Variants in SLC2A9 observed in about 807,000 individuals in gnomAD.
SLC2A9 encodes solute carrier family 2, facilitated glucose transporter member 9.
Under a neutral mutation model 50.6 loss-of-function variants are expected in SLC2A9, and 39 were observed. That is an observed-to-expected ratio of 0.77 (90% CI 0.60 to 1.01). The LOEUF (loss-of-function observed/expected upper bound fraction) is 1.01. SLC2A9 is among the 50% of genes least tolerant of loss of function. The pLI, the probability that SLC2A9 is intolerant of heterozygous loss-of-function variation, is 0.00. For synonymous variants in SLC2A9, 324 were observed against 276.9 expected (o/e 1.17, Z -1.69); for missense variants, 686 against 677.6 (o/e 1.01, Z -0.14).
intron 10 of SLC2A9, among the ~76,000 whole-genome samples, chr4:9,883,350 T>C (rs1450110461): frequency 6.6e-6 from 1 of 152,192 alleles, no homozygotes; most frequent in Non-Finnish European, 1.5e-5. Flanking sequence ...TTTCTTATGT[T>C]TGTCGTGGAA....
At chr4:9,977,679 G>A (rs189331504) in intron 5 of SLC2A9, among the ~76,000 whole-genome samples, 2 of 151,364 alleles carry the variant, frequency 1.3e-5, no homozygotes, top group Admixed American at 6.6e-5. Flanking sequence ...CTACAGACCC[G>A]CCCAGATAAA....
chr4:9,959,780 G>A (rs140186219), intron 5 of SLC2A9, among the ~76,000 whole-genome samples: 1,912 of 152,202 alleles, frequency 0.013, 15 homozygotes, highest in Middle Eastern at 0.02. Flanking sequence ...TTTGTTTTTG[G>A]TAGTGAATCC....
chr4:9,776,675 A>C (rs1717610001), downstream of SLC2A9, among the ~76,000 whole-genome samples: 2 of 152,252 alleles, frequency 1.3e-5, no homozygotes, highest in Middle Eastern at 3.4e-3. Context: ...AGTTGGGAGA[A>C]GGCACCTAGA....
At chr4:9,857,969 A>G (rs1053691942) in intron 10 of SLC2A9, among the ~76,000 whole-genome samples, 1 of 152,182 alleles carries the variant, frequency 6.6e-6, no homozygotes, top group African/African-American at 2.4e-5. Context: ...GAACAAACTT[A>G]TTGTCCCAGC....
intron 10 of SLC2A9, chr4:9,879,566 C>T (rs1734865547): frequency 2.0e-6 from 2 of 985,220 alleles, no homozygotes; most frequent in African/African-American, 3.5e-5. Context: ...GTCCTTTTTC[C>T]AAGCAAGGTA....
At chr4:9,848,066 G>C (rs879377733) in intron 10 of SLC2A9, among the ~76,000 whole-genome samples, 1 of 152,166 alleles carries the variant, frequency 6.6e-6, no homozygotes, top group Admixed American at 6.5e-5. Context: ...TTTCAGAGGA[G>C]TAGGATCCAG....
intron 3 of SLC2A9, among the ~76,000 whole-genome samples, chr4:9,791,605 A>T (rs1302053636): frequency 6.6e-6 from 1 of 152,190 alleles, no homozygotes; most frequent in African/African-American, 2.4e-5. Flanking sequence ...TTCTGATAGA[A>T]GCCAGCAGTC....
At chr4:10,003,471 A>T (rs1760210793) in intron 2 of SLC2A9, among the ~76,000 whole-genome samples, 1 of 152,228 alleles carries the variant, frequency 6.6e-6, no homozygotes, top group Non-Finnish European at 1.5e-5. Flanking sequence ...AATGGCTGAC[A>T]GAAGCCTCTA....
chr4:9,854,322 T>C (rs948236374), intron 10 of SLC2A9, among the ~76,000 whole-genome samples: 1 of 151,726 alleles, frequency 6.6e-6, no homozygotes, highest in Non-Finnish European at 1.5e-5. Flanking sequence ...CCCACAGAAA[T>C]ACAAAAAGCC....
At chr4:9,913,757 C>T (rs1210965931) in intron 7 of SLC2A9, among the ~76,000 whole-genome samples, 1 of 152,224 alleles carries the variant, frequency 6.6e-6, no homozygotes, top group Non-Finnish European at 1.5e-5. Context: ...TCTGGGGTTG[C>T]TCCTTCTGCC....
chr4:9,862,447 T>C (rs571934281), intron 10 of SLC2A9, among the ~76,000 whole-genome samples: 3 of 152,218 alleles, frequency 2.0e-5, no homozygotes, highest in Admixed American at 2.0e-4. Flanking sequence ...CCCATGTATG[T>C]GTGAAATATA....
intron 7 of SLC2A9, 65 bp from the exon 8 acceptor site, chr4:9,908,410 T>A (rs573658321): frequency 5.1e-5 from 62 of 1,221,044 alleles, no homozygotes; most frequent in Non-Finnish European, 7.5e-5. Flanking sequence ...ATTTTCTAAA[T>A]CAAATTTGGG....
chr4:9,974,442 A>T (rs1754433344), intron 5 of SLC2A9, among the ~76,000 whole-genome samples: 1 of 152,146 alleles, frequency 6.6e-6, no homozygotes, highest in Non-Finnish European at 1.5e-5. Context: ...GTGTACAAAA[A>T]TCAGTAGTAT....
rs373604491 is a variant in SLC2A9 at position 9,941,905 on chromosome 4, G to A, written c.814+8C>T. ...CTGGAGCTGTGCAGGAAAGGGAAGG[G>A]CCCTCACCTTTCACAGCTCTTGCCT... On this transcript the variant is annotated splice_region_variant and intron_variant, in intron 6 of 11. Transcript: ENST00000264784. 7 of 1,613,958 alleles carry A rather than the reference G, an allele frequency of 4.3e-6. No homozygotes were observed. In the East Asian group the frequency reaches 6.7e-5, roughly 15 times the overall value.
At chr4:9,886,403 G>A (rs986145845) in intron 10 of SLC2A9, among the ~76,000 whole-genome samples, 9 of 148,796 alleles carry the variant, frequency 6.0e-5, no homozygotes, top group Admixed American at 1.3e-4. Context: ...TCTTGCAGCC[G>A]TTCTGACCAC....
chr4:9,891,506 A>G (rs1395412770), intron 8 of SLC2A9, among the ~76,000 whole-genome samples: 1 of 152,192 alleles, frequency 6.6e-6, no homozygotes, highest in African/African-American at 2.4e-5. Context: ...ATATCCTTCC[A>G]CAAGAGTGTC....
chr4:9,831,553 G>A (rs974843445), intron 11 of SLC2A9, among the ~76,000 whole-genome samples: 1 of 152,210 alleles, frequency 6.6e-6, no homozygotes, highest in Admixed American at 6.5e-5. Context: ...ACTGTTGTCT[G>A]TAAAAGGTAT....
intron 10 of SLC2A9, among the ~76,000 whole-genome samples, chr4:9,841,213 CTTAT>C (rs1311032717): frequency 2.6e-5 from 4 of 152,138 alleles, no homozygotes; most frequent in African/African-American, 9.7e-5. Context: ...TTGAAAATGT[CTTAT>C]TTTCTACATG....
chr4:9,916,585 C>G (rs1233423369), intron 7 of SLC2A9, among the ~76,000 whole-genome samples: 3 of 152,154 alleles, frequency 2.0e-5, no homozygotes, highest in Non-Finnish European at 4.4e-5. Flanking sequence ...TTACATAATT[C>G]CACAGATTCC....
Sources: gnomAD v4.1 joint callset for allele counts (sites outside exome capture counted in the v4.1 genomes callset) on GRCh38, gnomAD v4.1.1 for gene constraint, MANE v1.5 for transcripts, NCBI Gene and HGNC (gene_info 2026-07-23, HGNC 2026-07-21) for gene names.